Variants in ILKAP observed in about 807,000 individuals in gnomAD.
ILKAP encodes the protein ILK associated serine/threonine phosphatase, also known as integrin-linked kinase-associated serine/threonine phosphatase 2C.
In ILKAP, 11 loss-of-function variants were observed where a neutral mutation model predicts 49.1. That is an observed-to-expected ratio of 0.22 (90% CI 0.14 to 0.37). The LOEUF is 0.37. ILKAP is among the 10% of genes least tolerant of loss of function. The pLI is 1.00. For missense variants in ILKAP, 363 were observed against 510.8 expected, an observed-to-expected ratio of 0.71 and a Z score of 2.79; for synonymous variants, 186 against 192.8, an observed-to-expected ratio of 0.96 and a Z score of 0.29.
At chr2:238,180,811 G>A (rs781762468) in intron 9 of ILKAP, among the ~76,000 whole-genome samples, 2 of 152,202 alleles carry the variant, frequency 1.3e-5, no homozygotes, top group African/African-American at 4.8e-5. Context: ...TTCAGCCATC[G>A]GACTGTCAGT....
intron 4 of ILKAP, 167 bp downstream of exon 4, chr2:238,189,686 G>A: frequency 1.8e-6 from 1 of 540,914 alleles, no homozygotes; most frequent in Non-Finnish European, 3.2e-6. Context: ...TGAAAAGTAG[G>A]AGAAAGCACA....
chr2:238,191,118 C>CTAATTTTT (rs1454167950), intron 3 of ILKAP, among the ~76,000 whole-genome samples: 1 of 151,380 alleles, frequency 6.6e-6, no homozygotes, highest in Non-Finnish European at 1.5e-5. Context: ...CTACACCCGG[C>CTAATTTTT]TAATTTTTTA....
At chr2:238,182,817 G>GTAGA (rs1277975109) in intron 8 of ILKAP, among the ~76,000 whole-genome samples, 1 of 152,184 alleles carries the variant, frequency 6.6e-6, no homozygotes, top group African/African-American at 2.4e-5. Context: ...ACACATGTGG[G>GTAGA]CTAAGGCCAG....
chr2:238,183,780 G>T, intron 7 of ILKAP, 40 bp from the exon 8 acceptor site: 2 of 1,456,352 alleles, frequency 1.4e-6, no homozygotes, highest in Non-Finnish European at 1.9e-6. Context: ...ACCACCAATA[G>T]CCCAGCACTT....
intron 6 of ILKAP, among the ~76,000 whole-genome samples, chr2:238,184,661 G>A (rs1407382011): frequency 1.3e-5 from 2 of 151,218 alleles, no homozygotes; most frequent in Non-Finnish European, 2.9e-5. Context: ...CTGGGGCTCA[G>A]AAAATCCTCC....
rs1324605432 is a variant in ILKAP, at chr2:238,173,781, C to G, written c.837-128G>C. 3 of 1,100,904 alleles carry G rather than the reference C, an allele frequency of 2.7e-6. No homozygotes were observed. The Admixed American group carries it at 7.4e-5, about 27-fold the overall frequency. The allele number at this position is 1,100,904 out of a possible 1,614,324, so 68.2% of individuals were successfully genotyped here. Reference sequence around the variant, plus strand: ...CAGACTGTGGAATTCACATTATTAACCACTACTGACATTTCTTGATCTCAA... The same window carrying G: ...CAGACTGTGGAATTCACATTATTAAGCACTACTGACATTTCTTGATCTCAA... On this transcript the variant is annotated intron_variant, in intron 9 of 11. Coordinates refer to ENST00000254654, the MANE Select transcript of ILKAP (RefSeq NM_030768.3).
chr2:238,180,029 G>A (rs1186326269), intron 9 of ILKAP, among the ~76,000 whole-genome samples: 2 of 152,028 alleles, frequency 1.3e-5, no homozygotes, highest in Non-Finnish European at 2.9e-5. Flanking sequence ...AAAATAGCCA[G>A]GCACAGTGGC....
At chr2:238,200,156 G>C (rs758917166) in intron 1 of ILKAP, among the ~76,000 whole-genome samples, 42 of 152,168 alleles carry the variant, frequency 2.8e-4, no homozygotes, top group Middle Eastern at 3.4e-3. Flanking sequence ...CACTTTTATG[G>C]GTATGACATA....
At chr2:238,198,064 A>G (rs1694418258) in intron 1 of ILKAP, among the ~76,000 whole-genome samples, 1 of 151,958 alleles carries the variant, frequency 6.6e-6, no homozygotes, top group Non-Finnish European at 1.5e-5. Context: ...ACATCAACTC[A>G]TTTTACCCTT....
intron 5 of ILKAP, chr2:238,185,556 CG>C: frequency 6.5e-6 from 2 of 306,314 alleles, no homozygotes; most frequent in South Asian, 3.8e-5. Flanking sequence ...GTAATCCCAG[CG>C]CTTTGGGAGG....
intron 9 of ILKAP, among the ~76,000 whole-genome samples, chr2:238,181,356 A>G (rs1693684440): frequency 6.6e-6 from 1 of 152,254 alleles, no homozygotes; most frequent in South Asian, 2.1e-4. Context: ...GTGGAATTCT[A>G]AAGAAAAGAC....
rs1694260871 is a variant in ILKAP at position 238,194,310 on chromosome 2, A to G, written c.143T>C (p.Phe48Ser). ...TDSGSGGPLLFDDLPPASSGD... is the reference protein window; with the variant it reads ...TDSGSGGPLLSDDLPPASSGD... ...ACTGCTAGCGGGTGGGAGATCATCA[A>G]AAAGCAAAGGTCCCCCTGATCCTGA... Residue 48 changes from phenylalanine to serine, a missense_variant, in exon 3 of 12, where the codon TTT (phenylalanine) becomes TCT (serine). Around this residue, in one of 3 missense-constraint regions of ILKAP, gnomAD observed 114 missense variants for 116.0 expected, o/e 0.98. Transcript: ENST00000254654. 1 of 1,614,154 alleles carries G rather than the reference A, an allele frequency of 6.2e-7. No individual in the cohort carries two copies. Among genetic ancestry groups the G allele is most frequent in the African/African-American group, 1.3e-5 (1 of 75,042 alleles).
chr2:238,194,262 TC>T lies in ILKAP; in HGVS notation c.178+12del. 6.2e-7 allele frequency: 1 copy of T among 1,612,750 alleles called. No individual in the cohort carries two copies. The highest frequency in any genetic ancestry group is 1.7e-4 in the Middle Eastern group (1 of 6,056). On this transcript the variant is annotated intron_variant, in intron 3 of 11. Transcript: ENST00000254654. The stretch of plus-strand genomic sequence containing the variant: ...TATTTCCATCAGCACCTTGGATTTT[TC>T]CTACCACTTACCTGAATCGCCACTG...
At chr2:238,181,894 A>C (rs540949002) in intron 9 of ILKAP, among the ~76,000 whole-genome samples, 171 bp downstream of exon 9, 1 of 152,320 alleles carries the variant, frequency 6.6e-6, no homozygotes, top group African/African-American at 2.4e-5. Flanking sequence ...ACGTGGACAC[A>C]TGTGAAATCT....
intron 5 of ILKAP, among the ~76,000 whole-genome samples, chr2:238,187,608 T>C (rs574402995): frequency 1.3e-5 from 2 of 152,328 alleles, no homozygotes; most frequent in African/African-American, 2.4e-5. Context: ...ATTTTGACTT[T>C]TGTTCTTCCT....
At chr2:238,183,159 T>G (rs1039232545) in intron 8 of ILKAP, among the ~76,000 whole-genome samples, 2 of 152,172 alleles carry the variant, frequency 1.3e-5, no homozygotes, top group African/African-American at 4.8e-5. Flanking sequence ...CACCCTGGGC[T>G]TTCTCCCTCA....
At chr2:238,175,989 A>G (rs1017611138) in intron 9 of ILKAP, among the ~76,000 whole-genome samples, 1 of 152,072 alleles carries the variant, frequency 6.6e-6, no homozygotes, top group African/African-American at 2.4e-5. Flanking sequence ...GCTACTCTAG[A>G]CACAATAGAA....
At chr2:238,173,838 G>A (rs543904591) in intron 9 of ILKAP, 185 bp from the exon 10 acceptor site, 34 of 740,542 alleles carry the variant, frequency 4.6e-5, no homozygotes, top group Middle Eastern at 2.9e-4. Context: ...ATTAACTGCT[G>A]CCCTGGGGTA....
At chr2:238,183,860 C>CT in intron 7 of ILKAP, 120 bp from the exon 8 acceptor site, 1 of 989,402 alleles carries the variant, frequency 1.0e-6, no homozygotes, top group Non-Finnish European at 1.5e-6. Flanking sequence ...TTGATACTTG[C>CT]TTTTTTTCTG....
Sources: allele counts gnomAD v4.1 joint callset (sites outside exome capture counted in the v4.1 genomes callset), GRCh38; gene constraint gnomAD v4.1.1; regional missense constraint gnomAD v4.1.1; transcripts MANE v1.5; gene names NCBI Gene and HGNC (gene_info 2026-07-23, HGNC 2026-07-21).